The following GLI3 variants were observed in gnomAD, a reference collection of about 807,000 sequenced individuals.
GLI3 encodes the protein transcription activator GLI3.
In GLI3, 20 loss-of-function variants were observed where a neutral mutation model predicts 100.8. That is an observed-to-expected ratio of 0.20 (90% CI 0.14 to 0.29). GLI3 has a LOEUF of 0.29. Among genes scored for constraint, GLI3 ranks in the 10% least tolerant of loss-of-function variants. The probability of loss-of-function intolerance (pLI) is 1.00; values close to 1 mark genes in which losing one functional copy is unlikely to be tolerated. For synonymous variants in GLI3, 938 were observed against 860.5 expected, an observed-to-expected ratio of 1.09 and a Z score of -1.58; for missense variants, 2,040 against 2,128.5, an observed-to-expected ratio of 0.96 and a Z score of 0.82.
At chr7:42,084,788 A>G (rs1785066227) in intron 3 of GLI3, among the ~76,000 whole-genome samples, 1 of 152,136 alleles carries the variant, frequency 6.6e-6, no homozygotes, top group Non-Finnish European at 1.5e-5. Context: ...ATAAGCTTGG[A>G]AATTAAAAAT....
intron 3 of GLI3, among the ~76,000 whole-genome samples, chr7:42,099,644 A>G (rs1334745046): frequency 6.6e-6 from 1 of 152,106 alleles, no homozygotes; most frequent in East Asian, 1.9e-4. Flanking sequence ...CCCGAACTCA[A>G]GTGATTCTCC....
intron 3 of GLI3, among the ~76,000 whole-genome samples, chr7:42,110,378 G>A (rs1030841245): frequency 5.3e-5 from 8 of 152,146 alleles, no homozygotes; most frequent in African/African-American, 1.9e-4. Flanking sequence ...AACTTCAACA[G>A]ATACTGATTG....
intron 2 of GLI3, among the ~76,000 whole-genome samples, chr7:42,180,040 C>T (rs1397296871): frequency 6.6e-6 from 1 of 152,174 alleles, no homozygotes; most frequent in Non-Finnish European, 1.5e-5. Flanking sequence ...TGGCTGCGAG[C>T]TCCCAAGGAA....
At chr7:42,233,099 A>G (rs1271652300) in intron 1 of GLI3, among the ~76,000 whole-genome samples, 2 of 152,232 alleles carry the variant, frequency 1.3e-5, no homozygotes, top group Non-Finnish European at 2.9e-5. Flanking sequence ...TTAACATTCA[A>G]TTTCTTTCAA....
intron 2 of GLI3, among the ~76,000 whole-genome samples, chr7:42,183,181 G>A (rs1456403368): frequency 1.3e-5 from 2 of 152,038 alleles, no homozygotes; most frequent in African/African-American, 2.4e-5. Flanking sequence ...CCGAGATTGC[G>A]CCATGGCACT....
chr7:42,104,757 G>A (rs1045234146), intron 3 of GLI3, among the ~76,000 whole-genome samples: 1 of 152,238 alleles, frequency 6.6e-6, no homozygotes, highest in East Asian at 1.9e-4. Context: ...GTTCATAAGG[G>A]TGGAGCCCTT....
rs182855048 is a variant in GLI3 at position 41,972,254 on chromosome 7, G to A, written c.2103+83C>T. 3,411 of 1,264,182 alleles carry A rather than the reference G, an allele frequency of 2.7e-3. 9 individuals carry two copies. Among genetic ancestry groups the A allele is most frequent in the Non-Finnish European group, 3.4e-3 (2,959 of 863,150 alleles). The allele number at this position is 1,264,182 out of a possible 1,614,324, so 78.3% of individuals were successfully genotyped here. ...GAGACAGCCTGACACAGTGAGGACC[G>A]GGAAGTCCTGTCCCTCTATGCACCC... On this transcript the variant is annotated intron_variant, in intron 13 of 14. Transcript: ENST00000395925. The surrounding 1 kb of genome is among the most constrained non-coding windows in gnomAD (Gnocchi z 4.4).
At chr7:42,202,346 TCACACACA>T (rs59941465) in intron 2 of GLI3, among the ~76,000 whole-genome samples, 1,917 of 115,248 alleles carry the variant, frequency 0.017, 18 homozygotes, top group South Asian at 0.039. Context: ...TCTCTCTCTC[TCACACACA>T]CACACACACA....
intron 10 of GLI3, among the ~76,000 whole-genome samples, chr7:42,005,395 A>AGATG (rs1788426755): frequency 2.0e-5 from 3 of 151,966 alleles, no homozygotes. Context: ...ATGGATGGAT[A>AGATG]GATGGATGGA....
At position 42,032,414 on chromosome 7, in the gene GLI3, C is replaced by T. The variant is rs186664942; in HGVS notation, c.1029-6002G>A. Reference sequence around the variant, plus strand: ...ACCCTTGTGATCCATTCTGCTAATACAATTTATATTTATTCCCAAAATAAT... The same window carrying T: ...ACCCTTGTGATCCATTCTGCTAATATAATTTATATTTATTCCCAAAATAAT... On this transcript the variant is annotated intron_variant, in intron 7 of 14. Transcript: ENST00000395925. Among the ~76,000 whole-genome samples the T allele has an allele frequency of 3.1e-4, 47 of 152,230 alleles. 1 individual carries two copies. Among genetic ancestry groups the T allele is most frequent in the African/African-American group, 9.9e-4 (41 of 41,534 alleles).
At chr7:42,250,238 T>C (rs1308436951) in intron 1 of GLI3, among the ~76,000 whole-genome samples, 1 of 152,184 alleles carries the variant, frequency 6.6e-6, no homozygotes, top group African/African-American at 2.4e-5. Flanking sequence ...CTTTGTAATA[T>C]GGACCATTTG....
rs368521986 is a variant in GLI3 at position 42,232,181 on chromosome 7, G to T, written c.-43+4790C>A. ...CCCCTCTAGCTGTTTCAGGCCAGCA[G>T]TCAATCCAATTTACTGCAGGTACAA... On this transcript the variant is annotated intron_variant, in intron 1 of 14. Transcript: ENST00000395925. Among the ~76,000 whole-genome samples the T allele has an allele frequency of 8.5e-5, 13 of 152,060 alleles. No individual in the cohort carries two copies. In the South Asian group the frequency reaches 1.5e-3, roughly 17 times the overall value.
chr7:42,177,173 G>A (rs776632954), intron 2 of GLI3, among the ~76,000 whole-genome samples: 6 of 152,150 alleles, frequency 3.9e-5, no homozygotes, highest in Non-Finnish European at 8.8e-5. Context: ...GGGTGGGTGA[G>A]AGTGATAGAA....
intron 4 of GLI3, among the ~76,000 whole-genome samples, chr7:42,051,873 T>G (rs1784360185): frequency 6.6e-6 from 1 of 152,192 alleles, no homozygotes; most frequent in Admixed American, 6.5e-5. Context: ...GTCCATAGTT[T>G]AGGGTTCACT....
At chr7:42,069,675 T>C (rs1373618848) in intron 4 of GLI3, among the ~76,000 whole-genome samples, 1 of 152,136 alleles carries the variant, frequency 6.6e-6, no homozygotes, top group Non-Finnish European at 1.5e-5. Context: ...AGAGTGAAGA[T>C]GGAGAGGGGG....
chr7:42,256,663 A>G (rs1161800739), intron 1 of GLI3, among the ~76,000 whole-genome samples: 1 of 152,186 alleles, frequency 6.6e-6, no homozygotes, highest in East Asian at 1.9e-4. Flanking sequence ...CATTAATATC[A>G]TACTGTATTT....
At chr7:42,198,758 GCACACA>G (rs142043320) in intron 2 of GLI3, among the ~76,000 whole-genome samples, 1 of 151,310 alleles carries the variant, frequency 6.6e-6, no homozygotes, top group Admixed American at 6.6e-5. Context: ...AGATGCATAT[GCACACA>G]CACACATACA....
At chr7:42,220,816 T>G (rs1788471642) in intron 2 of GLI3, among the ~76,000 whole-genome samples, 2 of 152,270 alleles carry the variant, frequency 1.3e-5, no homozygotes, top group Non-Finnish European at 2.9e-5. Context: ...CTTCCATTTT[T>G]CTTTTATTTG....
intron 3 of GLI3, among the ~76,000 whole-genome samples, chr7:42,108,225 C>T (rs943410323): frequency 4.6e-5 from 7 of 152,152 alleles, no homozygotes; most frequent in African/African-American, 1.7e-4. Context: ...GAACTTTGCA[C>T]CGTTAGTAGC....
Sources: allele counts gnomAD v4.1 joint callset (sites outside exome capture counted in the v4.1 genomes callset), GRCh38; gene constraint gnomAD v4.1.1; non-coding constraint Gnocchi (gnomAD v3.1); transcripts MANE v1.5; gene names NCBI Gene and HGNC (gene_info 2026-07-23, HGNC 2026-07-21).